SMOC2: variants seen among roughly 807,000 people sequenced by gnomAD.
SMOC2 encodes SPARC related modular calcium binding 2.
A neutral mutation model predicts 61.4 loss-of-function variants in SMOC2; 39 were observed. The observed-to-expected ratio is 0.64, with a 90% CI of 0.49 to 0.83. The LOEUF (loss-of-function observed/expected upper bound fraction) is 0.83, where lower values mean the gene tolerates loss of function less well. Ranked by LOEUF, SMOC2 falls within the 40% of genes least tolerant of loss-of-function variation. The pLI is 0.00. For synonymous variants in SMOC2, 247 were observed against 239.9 expected, an observed-to-expected ratio of 1.03 and a Z score of -0.27; for missense variants, 556 against 592.9, an observed-to-expected ratio of 0.94 and a Z score of 0.65.
In SMOC2 at chr6:168,499,807, G is replaced by T. The variant is rs180933153; in HGVS notation, c.85-10108G>T. ...GACTGTGGAGCAGATTGGCCCTGGG[G>T]TCCCACGCTGACCAGCAGTGCAATC... is the stretch of plus-strand genomic sequence containing the variant. On this transcript the variant is annotated intron_variant, in intron 1 of 12. Transcript: ENST00000356284. 2.0e-3 allele frequency among the ~76,000 whole-genome samples: 310 copies of T among 152,312 alleles called. 1 individual carries two copies. Among genetic ancestry groups the T allele is most frequent in the African/African-American group, 7.0e-3 (292 of 41,556 alleles).
intron 9 of SMOC2, among the ~76,000 whole-genome samples, chr6:168,637,908 T>G (rs9456261): frequency 0.82 from 117,829 of 144,310 alleles, 46,121 homozygotes; most frequent in East Asian, 0.87. Context: ...GGGCGTGCTG[T>G]ATGCTGAGCT....
intron 7 of SMOC2, among the ~76,000 whole-genome samples, chr6:168,586,300 A>G (rs1473267386): frequency 6.6e-6 from 1 of 152,170 alleles, no homozygotes; most frequent in African/African-American, 2.4e-5. Flanking sequence ...ACATATACAT[A>G]TATTTTTAAA....
At chr6:168,477,302 ACACTGG>A (rs1419829131) in intron 1 of SMOC2, among the ~76,000 whole-genome samples, 1 of 152,212 alleles carries the variant, frequency 6.6e-6, no homozygotes, top group Non-Finnish European at 1.5e-5. Context: ...CCTCATGCCC[ACACTGG>A]CTGGCCCTGA....
intron 1 of SMOC2, among the ~76,000 whole-genome samples, chr6:168,463,248 AC>A (rs1455078389): frequency 6.6e-6 from 1 of 152,166 alleles, no homozygotes; most frequent in African/African-American, 2.4e-5. Flanking sequence ...TCCCGTACTT[AC>A]CCCAAGGAGA....
At chr6:168,513,210 T>C (rs1783050174) in intron 2 of SMOC2, among the ~76,000 whole-genome samples, 3 of 152,202 alleles carry the variant, frequency 2.0e-5, no homozygotes, top group Admixed American at 2.0e-4. Flanking sequence ...TTAAAATAAA[T>C]GATGTTTTGT....
rs995037443 is a variant in SMOC2, at chr6:168,476,040, G to A, written c.85-33875G>A. Among the ~76,000 whole-genome samples, 6 of 152,248 alleles carry A rather than the reference G, an allele frequency of 3.9e-5. No homozygotes were observed. In the South Asian group the frequency reaches 1.2e-3, roughly 32 times the overall value. Reference sequence around the variant, plus strand: ...CAGGTACAGAGATGAGGTTGGAGAGGTTTTAGGAAGTCACCCAATAACACA... The same window carrying A: ...CAGGTACAGAGATGAGGTTGGAGAGATTTTAGGAAGTCACCCAATAACACA... On this transcript the variant is annotated intron_variant, in intron 1 of 12. Transcript: ENST00000356284.
chr6:168,624,722 A>G (rs1326135023), intron 9 of SMOC2, among the ~76,000 whole-genome samples: 1 of 151,994 alleles, frequency 6.6e-6, no homozygotes, highest in Non-Finnish European at 1.5e-5. Flanking sequence ...ACAGACACAG[A>G]CACACAGACA....
At chr6:168,465,785 G>A (rs1781817360) in intron 1 of SMOC2, among the ~76,000 whole-genome samples, 2 of 141,388 alleles carry the variant, frequency 1.4e-5, no homozygotes, top group Non-Finnish European at 3.0e-5. Flanking sequence ...CTGAGAGCTG[G>A]AACTGGGGGC....
intron 2 of SMOC2, among the ~76,000 whole-genome samples, chr6:168,521,396 G>T (rs536696459): frequency 1.3e-5 from 2 of 152,134 alleles, no homozygotes; most frequent in Non-Finnish European, 2.9e-5. Context: ...TGATGCACCC[G>T]CCTTGGCCTC....
chr6:168,652,018 A>T (rs1009750621), intron 10 of SMOC2, among the ~76,000 whole-genome samples: 1 of 150,210 alleles, frequency 6.7e-6, no homozygotes, highest in African/African-American at 2.5e-5. Flanking sequence ...TTCAGCCAGG[A>T]CAACAAGAGC....
At position 168,550,700 on chromosome 6, in the gene SMOC2, C is replaced by T. The variant is rs187804782; in HGVS notation, c.637+1497C>T. Reference sequence around the variant, plus strand: ...AGGGCAAACCCCAAGGGCCCCCCACCGTCTACAGGCACACATGGCAGAAAC... The same window carrying T: ...AGGGCAAACCCCAAGGGCCCCCCACTGTCTACAGGCACACATGGCAGAAAC... On this transcript the variant is annotated intron_variant, in intron 7 of 12. Transcript: ENST00000356284. Among the ~76,000 whole-genome samples the T allele has an allele frequency of 3.1e-3, 467 of 152,266 alleles. 3 individuals are homozygous for T. Among genetic ancestry groups the T allele is most frequent in the African/African-American group, 0.011 (445 of 41,546 alleles).
intron 7 of SMOC2, among the ~76,000 whole-genome samples, chr6:168,560,640 TCATTTTCATACCCTGAGACACGAGGC>T (rs1562348549): frequency 0.075 from 28 of 374 alleles, no homozygotes; most frequent in African/African-American, 0.17. Flanking sequence ...GGAGGAGGTG[TCATTTTCATACCCTGAGACACGAGGC>T]TCTCACTGCA....
chr6:168,601,314 C>T (rs1252547484), intron 8 of SMOC2, among the ~76,000 whole-genome samples: 1 of 152,200 alleles, frequency 6.6e-6, no homozygotes, highest in Non-Finnish European at 1.5e-5. Flanking sequence ...CAGCGCTCCA[C>T]CGTCCGGCCG....
intron 2 of SMOC2, among the ~76,000 whole-genome samples, chr6:168,517,166 G>T (rs1783159035): frequency 6.6e-6 from 1 of 152,200 alleles, no homozygotes; most frequent in African/African-American, 2.4e-5. Context: ...TTTCTTCAAG[G>T]TTGCCCCAGA....
intron 9 of SMOC2, among the ~76,000 whole-genome samples, chr6:168,613,274 C>T (rs1359877730): frequency 1.3e-5 from 2 of 152,162 alleles, no homozygotes; most frequent in African/African-American, 4.8e-5. Flanking sequence ...TGAGCCATTC[C>T]TTCCTCCACC....
At chr6:168,604,631 A>G (rs1785640197) in intron 8 of SMOC2, among the ~76,000 whole-genome samples, 1 of 152,216 alleles carries the variant, frequency 6.6e-6, no homozygotes, top group Admixed American at 6.5e-5. Flanking sequence ...TGTTTTCTTT[A>G]ATCATCCTCT....
intron 9 of SMOC2, among the ~76,000 whole-genome samples, chr6:168,623,088 TTAAG>T (rs1378586325): frequency 1.3e-5 from 2 of 152,136 alleles, no homozygotes; most frequent in African/African-American, 4.8e-5. Flanking sequence ...CTACATAAAT[TTAAG>T]TAAGTGAGAT....
intron 1 of SMOC2, among the ~76,000 whole-genome samples, chr6:168,455,960 G>A (rs542417408): frequency 1.9e-4 from 29 of 152,326 alleles, no homozygotes; most frequent in South Asian, 1.9e-3. Flanking sequence ...CCGATTTCCC[G>A]GTCTGTTCCT....
intron 7 of SMOC2, among the ~76,000 whole-genome samples, chr6:168,551,984 A>G (rs1784140513): frequency 6.6e-6 from 1 of 152,190 alleles, no homozygotes; most frequent in South Asian, 2.1e-4. Context: ...ATTCCAGTTT[A>G]CAGAAGTTAC....
Sources: gnomAD v4.1 joint callset for allele counts (sites outside exome capture counted in the v4.1 genomes callset) on GRCh38, gnomAD v4.1.1 for gene constraint, MANE v1.5 for transcripts, NCBI Gene and HGNC (gene_info 2026-07-23, HGNC 2026-07-21) for gene names.